The following RBFOX1 variants were observed in gnomAD, a reference collection of about 807,000 sequenced individuals.
The protein encoded by RBFOX1 is RNA binding fox-1 homolog 1.
In RBFOX1, 8 loss-of-function variants were observed where a neutral mutation model predicts 57.7. The observed-to-expected ratio is 0.14, with a 90% CI of 0.08 to 0.25. RBFOX1 has a LOEUF of 0.25. Ranked by LOEUF, RBFOX1 falls within the 10% of genes least tolerant of loss-of-function variation. The pLI is 1.00. For synonymous variants in RBFOX1, 326 were observed against 222.4 expected (o/e 1.47, Z -4.15); for missense variants, 611 against 548.5 (o/e 1.11, Z -1.14).
intron 5 of RBFOX1, among the ~76,000 whole-genome samples, chr16:7,560,532 C>CAAA (rs35756861): frequency 2.2e-5 from 3 of 135,892 alleles, no homozygotes; most frequent in African/African-American, 8.3e-5. Context: ...TGTAGAGTAT[C>CAAA]AAAAAAAAAA....
chr16:6,603,247 C>G (rs996778872), intron 2 of RBFOX1, among the ~76,000 whole-genome samples: 3 of 152,270 alleles, frequency 2.0e-5, no homozygotes, highest in South Asian at 2.1e-4. Flanking sequence ...ACTCAGTCAT[C>G]TAAAGGAGAG....
chr16:7,192,421 A>G (rs143194978), intron 4 of RBFOX1, among the ~76,000 whole-genome samples: 20 of 152,330 alleles, frequency 1.3e-4, no homozygotes, highest in African/African-American at 4.6e-4. Flanking sequence ...TCAAATGCCT[A>G]TAGAGGCCAG....
chr16:7,479,412 G>A (rs1379505287), intron 4 of RBFOX1, among the ~76,000 whole-genome samples: 1 of 152,110 alleles, frequency 6.6e-6, no homozygotes, highest in Non-Finnish European at 1.5e-5. Context: ...TTACAGGTAT[G>A]AGCCGGGGTG....
At chr16:5,847,213 G>A (rs965396361) in intron 3 of RBFOX1, among the ~76,000 whole-genome samples, 14 of 152,192 alleles carry the variant, frequency 9.2e-5, no homozygotes, top group Non-Finnish European at 2.1e-4. Flanking sequence ...AAACACATGA[G>A]CATTTTGGAG....
chr16:6,048,717 A>C (rs1282998899), intron 1 of RBFOX1, among the ~76,000 whole-genome samples: 1 of 152,118 alleles, frequency 6.6e-6, no homozygotes, highest in Non-Finnish European at 1.5e-5. Flanking sequence ...CAAAGTTGAG[A>C]AGGATAGTTG....
At chr16:7,417,412 C>A (rs911811510) in intron 4 of RBFOX1, among the ~76,000 whole-genome samples, 6 of 150,286 alleles carry the variant, frequency 4.0e-5, no homozygotes, top group Non-Finnish European at 3.0e-5. Flanking sequence ...ATATCCTGTT[C>A]CCCCAGTTTC....
chr16:7,561,577 A>T (rs917198904), intron 5 of RBFOX1, among the ~76,000 whole-genome samples: 12 of 152,204 alleles, frequency 7.9e-5, no homozygotes, highest in African/African-American at 2.9e-4. Context: ...TTGTTCAGAG[A>T]CATATCGGTG....
At chr16:6,910,450 A>G (rs2071273742) in intron 3 of RBFOX1, among the ~76,000 whole-genome samples, 1 of 152,170 alleles carries the variant, frequency 6.6e-6, no homozygotes. Context: ...AGTAAAATCA[A>G]GGACTTGGCT....
chr16:7,278,763 T>C (rs1445922352), intron 4 of RBFOX1, among the ~76,000 whole-genome samples: 1 of 152,240 alleles, frequency 6.6e-6, no homozygotes, highest in South Asian at 2.1e-4. Context: ...ATCATTTGTT[T>C]AAAAAATGCA....
chr16:5,344,062 T>G (rs2065089933), intron 1 of RBFOX1, among the ~76,000 whole-genome samples: 1 of 152,234 alleles, frequency 6.6e-6, no homozygotes, highest in African/African-American at 2.4e-5. Flanking sequence ...AATGTTTATA[T>G]CAGAATCCTA....
intron 3 of RBFOX1, among the ~76,000 whole-genome samples, chr16:6,907,653 C>G (rs1471172011): frequency 1.3e-5 from 2 of 152,200 alleles, no homozygotes; most frequent in Admixed American, 6.5e-5. Context: ...TCACTGCAGC[C>G]TCTGCCTCCT....
At chr16:5,908,553 A>T (rs1281270671) in intron 4 of RBFOX1, among the ~76,000 whole-genome samples, 1 of 151,876 alleles carries the variant, frequency 6.6e-6, no homozygotes, top group African/African-American at 2.4e-5. Context: ...CGTTTTCACC[A>T]TATTGGCCTG....
intron 2 of RBFOX1, among the ~76,000 whole-genome samples, chr16:5,488,776 A>G (rs1195721659): frequency 6.9e-6 from 1 of 145,040 alleles, no homozygotes; most frequent in Non-Finnish European, 1.5e-5. Flanking sequence ...GATGATGATT[A>G]TGGGAGATGA....
intron 4 of RBFOX1, among the ~76,000 whole-genome samples, chr16:6,013,272 C>A (rs1444669559): frequency 1.3e-5 from 2 of 152,104 alleles, no homozygotes; most frequent in African/African-American, 4.8e-5. Context: ...CAAGCCTGCC[C>A]TAAATCAAAG....
chr16:7,439,035 C>T (rs896894175), intron 4 of RBFOX1, among the ~76,000 whole-genome samples: 3 of 152,184 alleles, frequency 2.0e-5, no homozygotes, highest in Non-Finnish European at 4.4e-5. Flanking sequence ...CAGCGGAAAC[C>T]ACCGCACTTT....
At chr16:6,179,648 G>A (rs1411314130) in intron 1 of RBFOX1, among the ~76,000 whole-genome samples, 1 of 152,158 alleles carries the variant, frequency 6.6e-6, no homozygotes. Context: ...AACAGCACCT[G>A]CTGCTGCCTC....
At chr16:5,249,417 C>T (rs536593993) in intron 1 of RBFOX1, among the ~76,000 whole-genome samples, 11 of 152,336 alleles carry the variant, frequency 7.2e-5, no homozygotes, top group African/African-American at 2.4e-4. Context: ...GCTTGAAAGC[C>T]TGTCGGCTTA....
intron 3 of RBFOX1, among the ~76,000 whole-genome samples, chr16:7,015,615 C>T (rs574558282): frequency 2.6e-5 from 4 of 152,124 alleles, no homozygotes; most frequent in African/African-American, 9.7e-5. Flanking sequence ...TATTAGACAC[C>T]ATTTGTGGTT....
At chr16:6,196,492 T>C (rs2097180703) in intron 1 of RBFOX1, among the ~76,000 whole-genome samples, 1 of 152,184 alleles carries the variant, frequency 6.6e-6, no homozygotes, top group Non-Finnish European at 1.5e-5. Context: ...TTATTAACGA[T>C]AAATAATTAG....
Sources: gnomAD v4.1 joint callset for allele counts (sites outside exome capture counted in the v4.1 genomes callset) on GRCh38, gnomAD v4.1.1 for gene constraint, MANE v1.5 for transcripts, NCBI Gene and HGNC (gene_info 2026-07-23, HGNC 2026-07-21) for gene names.